The following APC2 variants were observed in gnomAD, a reference collection of about 807,000 sequenced individuals.
The protein encoded by APC2 is adenomatous polyposis coli protein 2.
Under a neutral mutation model 72.5 loss-of-function variants are expected in APC2, and 41 were observed. The ratio of observed to expected loss-of-function variants is 0.57; its 90% CI spans 0.44 to 0.73. APC2 has a LOEUF of 0.73. APC2 is among the 30% of genes least tolerant of loss of function. The pLI, the probability that APC2 is intolerant of heterozygous loss-of-function variation, is 0.00. For missense variants in APC2, 3,729 were observed against 3,403.4 expected (o/e 1.10, Z -2.38); for synonymous variants, 1,898 against 1,612.0 (o/e 1.18, Z -4.25).
Position 1,470,195 on chromosome 19 carries a change from C to T in APC2, c.6894C>T (p.Ser2298=). The part of the protein sequence containing the change: ...SAAEKAPATA[S]ATLLE ...CGGAGAAAGCCCCGGCCACTGCCTC[C>T]GCCACCCTCCTGGAATAGTGGCCTA... is the stretch of plus-strand genomic sequence containing the variant. Residue 2298 remains serine, a synonymous_variant, in exon 15 of 15, where the codon TCC becomes TCT. Transcript: ENST00000590469. 1 of 1,597,716 alleles carries T rather than the reference C, an allele frequency of 6.3e-7. No homozygotes were observed. Among genetic ancestry groups the T allele is most frequent in the Non-Finnish European group, 8.5e-7 (1 of 1,174,270 alleles).
rs750672569 is a variant in APC2 at position 1,465,820 on chromosome 19, CGGCCAA to C, written c.2533_2538del (p.Ala845_Lys846del). The C allele has an allele frequency of 7.8e-5, 124 of 1,579,638 alleles. No homozygotes were observed. The highest frequency in any genetic ancestry group is 1.1e-4 in the East Asian group (5 of 44,016). ...GACACCAGTGGGGAGGCAGCCGTGG[CGGCCAA>C]GGCCAAGGCCAAGCTGGCGCTTGCA... On this transcript the variant is annotated inframe_deletion, in exon 15 of 15. Coordinates refer to ENST00000590469, the MANE Select transcript of APC2 (RefSeq NM_005883.3).
chr19:1,467,215 G>GCGGGGGCGC lies in APC2; in HGVS notation c.3927_3935dup (p.Gly1310_Gly1312dup), dbSNP rs780779777. 25 of 1,401,900 alleles carry GCGGGGGCGC rather than the reference G, an allele frequency of 1.8e-5. No homozygotes were observed. In the Admixed American group the frequency reaches 2.6e-4, roughly 14 times the overall value. The allele number at this position is 1,401,900 out of a possible 1,614,324, so 86.8% of individuals were successfully genotyped here. Reference sequence around the variant, plus strand: ...CTGCCCTCGGCCTGCCCCGAGCGCGGCGGGGGCGCCGGGGGCGCCGGCCTC... The same window carrying GCGGGGGCGC: ...CTGCCCTCGGCCTGCCCCGAGCGCGGCGGGGGCGCCGGGGGCGCCGGGGGCGCCGGCCTC... On this transcript the variant is annotated inframe_insertion, in exon 15 of 15. Transcript: ENST00000590469.
In APC2 at chr19:1,457,964, G is replaced by GCCC. The variant is rs1366690678; in HGVS notation, c.1209_1211dup (p.Pro404dup). ...CTCTGATCTGGTCCCTGTGCCCACA[G>GCCC]CCCCGATCCCCATCGAGCCGCAGAT... On this transcript the variant is annotated inframe_insertion and splice_region_variant. Transcript: ENST00000590469. 1 of 1,551,214 alleles carries GCCC rather than the reference G, an allele frequency of 6.4e-7. No individual in the cohort carries two copies. Among genetic ancestry groups the GCCC allele is most frequent in the African/African-American group, 1.4e-5 (1 of 71,894 alleles).
Position 1,461,981 on chromosome 19 carries a change from G to A in APC2, c.1657G>A (p.Val553Met), listed in dbSNP as rs375718755. The change falls in exon 14 of 15, where the codon GTG becomes ATG. Residue 553 changes from valine to methionine, a missense_variant. Transcript: ENST00000590469. ...CGTCCAGGAGTCCACCCTGAAGAGC[G>A]TGCTGAGCGCCCTGTGGAATCTGTC... ...RATKESTLKS[V>M]LSALWNLSAH... 3.5e-5 allele frequency: 56 copies of A among 1,612,180 alleles called. No individual in the cohort carries two copies. Among genetic ancestry groups the A allele is most frequent in the East Asian group, 2.0e-4 (9 of 44,864 alleles).
At position 1,450,234 on chromosome 19, in the gene APC2, T is replaced by C. The variant is rs560979225; in HGVS notation, c.-123T>C. ...CGCGGAGACCCCGGAGCCCGCGCGC[T>C]CCGAGGCCACCCCGGGCCGGGATTT... On this transcript the variant is annotated 5_prime_UTR_variant, in exon 1 of 15. Coordinates refer to ENST00000590469, the MANE Select transcript of APC2 (RefSeq NM_005883.3). 1,001 of 984,812 alleles carry C rather than the reference T, an allele frequency of 1.0e-3. No homozygotes were observed. The highest frequency in any genetic ancestry group is 1.2e-3 in the Non-Finnish European group (966 of 829,798). 61.0% of individuals were successfully genotyped at this position (984,812 alleles called of 1,614,324 possible). A position where few individuals can be genotyped will look rare whatever the true frequency, so the allele number is the denominator to read the frequency against.
Position 1,469,992 on chromosome 19 carries a change from G to C in APC2, c.6691G>C (p.Asp2231His), listed in dbSNP as rs200037573. 1.3e-6 allele frequency: 2 copies of C among 1,533,154 alleles called. No individual in the cohort carries two copies. The allele number at this position is 1,533,154 out of a possible 1,614,324, so 95.0% of individuals were successfully genotyped here. A position where few individuals can be genotyped will look rare whatever the true frequency, so the allele number is the denominator to read the frequency against. Residue 2231 changes from aspartate to histidine, a missense_variant, in exon 15 of 15, where the codon GAC becomes CAC. Transcript: ENST00000590469. The part of the protein sequence containing the change: ...GQLSLLGSDV[D>H]GPSLAKAPIS... ...GCTCTCCCTCCTCGGCAGCGACGTG[G>C]ACGGTCCCAGCCTCGCCAAGGCTCC...
chr19:1,458,431 TCA>T (rs1213914755), intron 10 of APC2: 19 of 211,176 alleles, frequency 9.0e-5, no homozygotes, highest in African/African-American at 4.2e-4. Context: ...CTTCTCTTTG[TCA>T]ATATAAAAAG....
intron 3 of APC2, 34 bp downstream of exon 3, chr19:1,453,371 G>A (rs2083769163): frequency 6.2e-7 from 1 of 1,611,652 alleles, no homozygotes; most frequent in East Asian, 2.2e-5. Context: ...AGGGAGTGGG[G>A]GAGGCTGGGG....
At position 1,466,704 on chromosome 19, in the gene APC2, C is replaced by G; in HGVS notation, c.3403C>G (p.Arg1135Gly). 1 of 1,525,614 alleles carries G rather than the reference C, an allele frequency of 6.6e-7. No homozygotes were observed. The highest frequency in any genetic ancestry group is 1.4e-5 in the African/African-American group (1 of 73,028). The allele number at this position is 1,525,614 out of a possible 1,614,324, so 94.5% of individuals were successfully genotyped here. Residue 1135 changes from arginine (R) to glycine (G), a missense_variant, in exon 15 of 15, where the codon CGG becomes GGG. Arg to Gly is a moderately radical substitution (Grantham distance 125). Transcript: ENST00000590469. ...TCCGGCTCCCCGGCGTAACCGAGGC[C>G]GGGGCCTGGGGGTGGAAGACGCCAC... Reference protein sequence around the residue: ...AIPAPRRNRGRGLGVEDATPS... With the variant: ...AIPAPRRNRGGGLGVEDATPS...
At position 1,469,052 on chromosome 19, in the gene APC2, G is replaced by A. The variant is rs1234156730; in HGVS notation, c.5751G>A (p.Leu1917=). ...CCAAAACGCCGGCGCGCACCCTTCTGGCGAAGCAGCACAAGACGCAGAGAT... is the reference window on the plus strand; with the variant it reads ...CCAAAACGCCGGCGCGCACCCTTCTAGCGAAGCAGCACAAGACGCAGAGAT... ...PVPKTPARTL[L]AKQHKTQRSP... The change falls in exon 15 of 15, where the codon CTG becomes CTA. Residue 1917 remains leucine, a synonymous_variant. Coordinates refer to ENST00000590469, the MANE Select transcript of APC2 (RefSeq NM_005883.3). 2.0e-6 allele frequency: 3 copies of A among 1,536,586 alleles called. No individual in the cohort carries two copies. The highest frequency in any genetic ancestry group is 2.4e-5 in the South Asian group (2 of 82,040).
chr19:1,465,670 C>A lies in APC2; in HGVS notation c.2369C>A (p.Ala790Asp). 6.3e-7 allele frequency: 1 copy of A among 1,597,102 alleles called. No individual in the cohort carries two copies. The highest frequency in any genetic ancestry group is 8.5e-7 in the Non-Finnish European group (1 of 1,173,474). ...DDDAPSSLAAAAATGEPASPA... is the reference protein window; with the variant it reads ...DDDAPSSLAADAATGEPASPA... ...GATGCACCGTCATCCCTGGCTGCGG[C>A]CGCGGCCACCGGGGAGCCAGCCAGC... is the stretch of plus-strand genomic sequence containing the variant. Residue 790 changes from alanine to aspartate, a missense_variant, in exon 15 of 15, where the codon GCC (alanine) becomes GAC (aspartate). Transcript: ENST00000590469.
rs2084008689 is a variant in APC2, at chr19:1,466,123, A to G, written c.2822A>G (p.His941Arg). ...SASDGYCPRE[H>R]MLPCPLAALA... ...AGCGACGGGTACTGCCCACGCGAAC[A>G]TATGCTGCCCTGCCCGCTGGCCGCA... The change falls in exon 15 of 15, where the codon CAT becomes CGT. Residue 941 changes from histidine to arginine, a missense_variant. His to Arg is a conservative substitution (Grantham distance 29). Coordinates refer to ENST00000590469, the MANE Select transcript of APC2 (RefSeq NM_005883.3). The G allele has an allele frequency of 6.4e-7, 1 of 1,565,478 alleles. No individual in the cohort carries two copies. Among genetic ancestry groups the G allele is most frequent in the Non-Finnish European group, 8.6e-7 (1 of 1,165,864 alleles).
upstream of APC2, among the ~76,000 whole-genome samples, chr19:1,449,894 A>G (rs1034383625): frequency 3.3e-5 from 5 of 152,208 alleles, no homozygotes; most frequent in African/African-American, 1.2e-4. Context: ...ACCCTGCAAT[A>G]AAGTGCGGGA....
At position 1,469,852 on chromosome 19, in the gene APC2, G is replaced by C. The variant is rs763459814; in HGVS notation, c.6551G>C (p.Arg2184Pro). ...PEDAPAGPPP[R>P]KTSDAVVQTE... ...GACGCCCCGGCCGGGCCCCCGCCGCGCAAGACCAGCGACGCCGTGGTCCAG... is the reference window on the plus strand; with the variant it reads ...GACGCCCCGGCCGGGCCCCCGCCGCCCAAGACCAGCGACGCCGTGGTCCAG... The change falls in exon 15 of 15, where the codon CGC becomes CCC. Residue 2184 changes from arginine to proline, a missense_variant. Physicochemically the swap from Arg to Pro is moderately radical, Grantham distance 103. Coordinates refer to ENST00000590469, the MANE Select transcript of APC2 (RefSeq NM_005883.3). 153 of 1,519,550 alleles carry C rather than the reference G, an allele frequency of 1.0e-4. No individual in the cohort carries two copies. In the Admixed American group the frequency reaches 2.9e-3, roughly 29 times the overall value. 94.1% of individuals were successfully genotyped at this position (1,519,550 alleles called of 1,614,324 possible). A position where few individuals can be genotyped will look rare whatever the true frequency, so the allele number is the denominator to read the frequency against.
intron 10 of APC2, among the ~76,000 whole-genome samples, chr19:1,459,658 G>A (rs780758760): frequency 6.6e-6 from 1 of 152,202 alleles, no homozygotes; most frequent in Non-Finnish European, 1.5e-5. Context: ...TTGGTGACAA[G>A]TCCTCCTCTC....
chr19:1,467,904 C>A lies in APC2; in HGVS notation c.4603C>A (p.Arg1535Ser), dbSNP rs752419369. The A allele has an allele frequency of 3.8e-6, 6 of 1,583,220 alleles. No individual in the cohort carries two copies. Among genetic ancestry groups the A allele is most frequent in the Non-Finnish European group, 5.1e-6 (6 of 1,173,210 alleles). Residue 1535 changes from arginine (R) to serine (S), a missense_variant, in exon 15 of 15, where the codon CGC becomes AGC. Physicochemically the swap from Arg to Ser is moderately radical, Grantham distance 110. Transcript: ENST00000590469. Reference protein sequence around the residue: ...PTHRRTSAIPRAFTRERPQGR... With the variant: ...PTHRRTSAIPSAFTRERPQGR... ...CCACCGGCGCACATCGGCCATCCCT[C>A]GCGCTTTTACGCGGGAGCGTCCGCA...
chr19:1,461,914 C>T, intron 13 of APC2, 49 bp from the exon 14 acceptor site: 1 of 1,506,644 alleles, frequency 6.6e-7, no homozygotes, highest in South Asian at 1.2e-5. Flanking sequence ...GGAGCCTTTC[C>T]TCCGGGCCAC....
chr19:1,467,414 G>A lies in APC2; in HGVS notation c.4113G>A (p.Val1371=). 3.4e-6 allele frequency: 5 copies of A among 1,491,246 alleles called. No homozygotes were observed. The highest frequency in any genetic ancestry group is 3.6e-6 in the Non-Finnish European group (4 of 1,126,334). 92.4% of individuals were successfully genotyped at this position (1,491,246 alleles called of 1,614,324 possible). A position where few individuals can be genotyped will look rare whatever the true frequency, so the allele number is the denominator to read the frequency against. ...TGCCAGGTCGCCGCGCACTCCCCGT[G>A]CCCGTCTACATGTTGGTGCCCGCCC... is the stretch of plus-strand genomic sequence containing the variant. The part of the protein sequence containing the change: ...ALVPGRRALP[V]PVYMLVPAPA... The change falls in exon 15 of 15, where the codon GTG becomes GTA. Residue 1371 remains valine (V), a synonymous_variant. Coordinates refer to ENST00000590469, the MANE Select transcript of APC2 (RefSeq NM_005883.3).
At chr19:1,458,097 G>T (rs1482083583) in intron 10 of APC2, 37 bp downstream of exon 10, 1 of 1,533,554 alleles carries the variant, frequency 6.5e-7, no homozygotes, top group East Asian at 2.4e-5. Context: ...CCATCCTCCA[G>T]CCCCCGAACA....
Sources: gnomAD v4.1 joint callset for allele counts (sites outside exome capture counted in the v4.1 genomes callset) on GRCh38, gnomAD v4.1.1 for gene constraint, MANE v1.5 for transcripts, NCBI Gene and HGNC (gene_info 2026-07-23, HGNC 2026-07-21) for gene names.